LRRC37A2: variants seen among roughly 807,000 people sequenced by gnomAD.
LRRC37A2 encodes leucine rich repeat containing 37 member A2.
In LRRC37A2, 9 loss-of-function variants were observed where a neutral mutation model predicts 68.8. The observed-to-expected ratio is 0.13, with a 90% confidence interval of 0.08 to 0.23. The LOEUF (loss-of-function observed/expected upper bound fraction) is 0.23, where lower values mean the gene tolerates loss of function less well. LRRC37A2 is among the 10% of genes least tolerant of loss of function. LRRC37A2 has a pLI of 1.00. For synonymous variants in LRRC37A2, 63 were observed against 367.6 expected (o/e 0.17, Z 9.48); for missense variants, 168 against 950.4 (o/e 0.18, Z 10.82).
chr17:46,807,616 T>G, the LRRC37A2 span, among the ~76,000 whole-genome samples: 1 of 152,260 alleles, frequency 6.6e-6, no homozygotes, highest in Admixed American at 6.5e-5. Context: ...GTGCCTTGCT[T>G]CTTTCCAGAA....
At chr17:46,980,540 A>T in the LRRC37A2 span, among the ~76,000 whole-genome samples, 1 of 151,818 alleles carries the variant, frequency 6.6e-6, no homozygotes, top group Non-Finnish European at 1.5e-5. Flanking sequence ...ATCAAAAAGT[A>T]GGCCGGGCGC....
the LRRC37A2 span, among the ~76,000 whole-genome samples, chr17:46,785,870 C>T: frequency 1.4e-5 from 2 of 143,180 alleles, no homozygotes; most frequent in Non-Finnish European, 3.1e-5. Context: ...GTGTGGAGGG[C>T]GGGGCAGTGC....
At chr17:46,642,543 TTG>T in the LRRC37A2 span, among the ~76,000 whole-genome samples, 4 of 127,102 alleles carry the variant, frequency 3.1e-5, no homozygotes, top group Non-Finnish European at 4.6e-5. Context: ...TTTGTAATCA[TTG>T]AAGTCTTTAG....
chr17:46,872,814 A>G, the LRRC37A2 span: 1 of 1,497,544 alleles, frequency 6.7e-7, no homozygotes, highest in Non-Finnish European at 9.1e-7. Flanking sequence ...CTGGGGGAAG[A>G]AGCCTTCAGG....
the LRRC37A2 span, among the ~76,000 whole-genome samples, chr17:46,377,490 CAG>C: frequency 3.4e-5 from 1 of 29,166 alleles, no homozygotes; most frequent in East Asian, 2.9e-4. Flanking sequence ...GTGATCAAGT[CAG>C]GGTACATGAG....
the LRRC37A2 span, among the ~76,000 whole-genome samples, chr17:46,984,960 G>C: frequency 1.1e-4 from 17 of 152,116 alleles, no homozygotes; most frequent in Non-Finnish European, 2.2e-4. Flanking sequence ...TTCTGAAGTG[G>C]TTTTAAACAA....
the LRRC37A2 span, among the ~76,000 whole-genome samples, chr17:47,013,669 G>A: frequency 1.3e-5 from 2 of 152,176 alleles, no homozygotes; most frequent in African/African-American, 2.4e-5. Context: ...TGTGGGGTGC[G>A]ACCAGTATAT....
At chr17:47,025,897 C>A in the LRRC37A2 span, among the ~76,000 whole-genome samples, 1 of 123,410 alleles carries the variant, frequency 8.1e-6, no homozygotes, top group East Asian at 2.1e-4. Context: ...CTCACTCCCC[C>A]CTATTCATTT....
the LRRC37A2 span, among the ~76,000 whole-genome samples, chr17:46,857,772 T>TGTA: frequency 6.6e-6 from 1 of 152,240 alleles, no homozygotes; most frequent in Non-Finnish European, 1.5e-5. Context: ...TTCGTAAGTA[T>TGTA]GTAGTAGTAT....
At chr17:46,490,126 G>A in the LRRC37A2 span, among the ~76,000 whole-genome samples, 1 of 151,206 alleles carries the variant, frequency 6.6e-6, no homozygotes, top group Non-Finnish European at 1.5e-5. Flanking sequence ...TAATGATCAG[G>A]GGATTGGCAA....
At chr17:46,722,293 T>C in the LRRC37A2 span, 1 of 783,192 alleles carries the variant, frequency 1.3e-6, no homozygotes, top group African/African-American at 1.7e-5. Flanking sequence ...GGTTCTTACC[T>C]TCTTACCTCC....
the LRRC37A2 span, among the ~76,000 whole-genome samples, chr17:46,785,147 C>G: frequency 1.3e-5 from 2 of 152,200 alleles, no homozygotes; most frequent in Admixed American, 1.3e-4. Flanking sequence ...GGGGACCCCT[C>G]TCTGACCACA....
At chr17:46,833,558 C>T in the LRRC37A2 span, 16 of 398,794 alleles carry the variant, frequency 4.0e-5, no homozygotes, top group African/African-American at 2.1e-4. Flanking sequence ...TGAGCTCAAA[C>T]TCAAACCCCA....
the LRRC37A2 span, among the ~76,000 whole-genome samples, chr17:46,980,355 CTT>C: frequency 4.2e-3 from 98 of 23,292 alleles, no homozygotes; most frequent in African/African-American, 0.014. Flanking sequence ...TTCCTTCCTT[CTT>C]CTTTCTTTCT....
At chr17:46,458,410 T>C in the LRRC37A2 span, among the ~76,000 whole-genome samples, 4 of 104,788 alleles carry the variant, frequency 3.8e-5, 1 homozygote, top group Non-Finnish European at 6.6e-5. Context: ...AGGGGTTGTG[T>C]CTATGAAAAG....
the LRRC37A2 span, among the ~76,000 whole-genome samples, chr17:46,741,381 G>C: frequency 6.6e-6 from 1 of 152,014 alleles, no homozygotes; most frequent in Non-Finnish European, 1.5e-5. Flanking sequence ...TCAGTTTCTC[G>C]TTTCATATTC....
chr17:46,885,410 C>T, the LRRC37A2 span: 1 of 162,960 alleles, frequency 6.1e-6, no homozygotes, highest in African/African-American at 2.4e-5. Flanking sequence ...TCAAGTGACT[C>T]TCTTGGCTCA....
the LRRC37A2 span, among the ~76,000 whole-genome samples, chr17:46,697,697 C>CTTGT: frequency 6.8e-6 from 1 of 147,182 alleles, no homozygotes; most frequent in Non-Finnish European, 1.5e-5. Context: ...TTTATTCTTC[C>CTTGT]TTGTTTGTTT....
chr17:46,814,940 C>T, the LRRC37A2 span, among the ~76,000 whole-genome samples: 7 of 152,160 alleles, frequency 4.6e-5, no homozygotes, highest in Non-Finnish European at 1.5e-5. Context: ...TTTCCCAGCT[C>T]ACTGCCCTTG....
Sources: gnomAD v4.1 joint callset for allele counts (sites outside exome capture counted in the v4.1 genomes callset) on GRCh38, gnomAD v4.1.1 for gene constraint, MANE v1.5 for transcripts, NCBI Gene and HGNC (gene_info 2026-07-23, HGNC 2026-07-21) for gene names.